GABRB3: variants seen among roughly 807,000 people sequenced by gnomAD.
GABRB3 encodes the protein gamma-aminobutyric acid type A receptor subunit beta3, also known as gamma-aminobutyric acid receptor subunit beta-3.
Under a neutral mutation model 52.1 loss-of-function variants are expected in GABRB3, and 14 were observed. That is an observed-to-expected ratio of 0.27 (90% CI 0.18 to 0.42). The LOEUF is 0.42. GABRB3 is among the 10% of genes least tolerant of loss of function. The pLI, the probability that GABRB3 is intolerant of heterozygous loss-of-function variation, is 1.00. For synonymous variants in GABRB3, 260 were observed against 232.3 expected (o/e 1.12, Z -1.08); for missense variants, 307 against 609.1 (o/e 0.50, Z 5.22).
At chr15:26,627,976 C>G (rs1238176872) in intron 3 of GABRB3, among the ~76,000 whole-genome samples, 2 of 152,210 alleles carry the variant, frequency 1.3e-5, no homozygotes, top group Non-Finnish European at 2.9e-5. Context: ...ACTGCCACAG[C>G]TTTCAGCAAC....
chr15:26,764,075 G>A (rs746059631), intron 3 of GABRB3, among the ~76,000 whole-genome samples: 3 of 147,856 alleles, frequency 2.0e-5, no homozygotes, highest in Non-Finnish European at 3.0e-5. Context: ...GCTTGAACCC[G>A]GGAGGCGGCG....
At chr15:26,681,721 G>GA (rs1472746162) in intron 3 of GABRB3, among the ~76,000 whole-genome samples, 1 of 152,182 alleles carries the variant, frequency 6.6e-6, no homozygotes, top group African/African-American at 2.4e-5. Context: ...CAGCACTCCA[G>GA]AAGGCCAAGG....
chr15:26,749,550 C>CTTCTGTAT (rs1890444028), intron 3 of GABRB3, among the ~76,000 whole-genome samples: 4 of 152,102 alleles, frequency 2.6e-5, no homozygotes, highest in African/African-American at 9.7e-5. Context: ...CTGATGGTGT[C>CTTCTGTAT]GTTTGGTTCT....
chr15:26,769,776 T>C (rs1226860440), intron 3 of GABRB3, among the ~76,000 whole-genome samples: 1 of 152,162 alleles, frequency 6.6e-6, no homozygotes, highest in African/African-American at 2.4e-5. Context: ...CCTCCCTCCC[T>C]CTCTGTTCTG....
At chr15:26,597,668 T>C (rs975045395) in intron 4 of GABRB3, among the ~76,000 whole-genome samples, 2 of 152,212 alleles carry the variant, frequency 1.3e-5, no homozygotes, top group Non-Finnish European at 2.9e-5. Flanking sequence ...ATACATTCCA[T>C]GGAATAGAAA....
At chr15:26,697,710 T>A (rs1400447932) in intron 3 of GABRB3, among the ~76,000 whole-genome samples, 1 of 152,124 alleles carries the variant, frequency 6.6e-6, no homozygotes, top group Non-Finnish European at 1.5e-5. Flanking sequence ...GGGACTGCAA[T>A]ATCTCTTTAT....
intron 3 of GABRB3, among the ~76,000 whole-genome samples, chr15:26,764,414 G>A (rs768872950): frequency 3.3e-5 from 5 of 151,856 alleles, no homozygotes; most frequent in Non-Finnish European, 5.9e-5. Context: ...TCTTATTCAT[G>A]TGAAATGTTA....
At chr15:26,617,947 C>A (rs956729577) in intron 4 of GABRB3, among the ~76,000 whole-genome samples, 31 of 151,906 alleles carry the variant, frequency 2.0e-4, no homozygotes, top group African/African-American at 7.0e-4. Context: ...ACCTAGGAAT[C>A]CAACTTACAA....
intron 3 of GABRB3, among the ~76,000 whole-genome samples, chr15:26,702,701 CCT>C (rs1240742484): frequency 6.6e-6 from 1 of 152,108 alleles, no homozygotes; most frequent in East Asian, 1.9e-4. Context: ...CCAATACACC[CCT>C]GAGTATTTAC....
intron 4 of GABRB3, among the ~76,000 whole-genome samples, chr15:26,591,229 A>C (rs771986929): frequency 3.5e-4 from 53 of 152,090 alleles, no homozygotes; most frequent in Non-Finnish European, 6.5e-4. Context: ...GTTACACAGC[A>C]CTCTTGCGGC....
chr15:26,599,905 T>G (rs573571167), intron 4 of GABRB3, among the ~76,000 whole-genome samples: 1 of 152,094 alleles, frequency 6.6e-6, no homozygotes, highest in South Asian at 2.1e-4. Flanking sequence ...GAAATGGAGA[T>G]TATAAAATGA....
chr15:26,638,893 C>A (rs1893123245), intron 3 of GABRB3, among the ~76,000 whole-genome samples: 1 of 152,112 alleles, frequency 6.6e-6, no homozygotes, highest in African/African-American at 2.4e-5. Flanking sequence ...GAACAACCCC[C>A]ACCACGCTCC....
At chr15:26,736,585 T>G (rs752421875) in intron 3 of GABRB3, among the ~76,000 whole-genome samples, 1 of 152,230 alleles carries the variant, frequency 6.6e-6, no homozygotes, top group African/African-American at 2.4e-5. Flanking sequence ...CCCTCGGCAG[T>G]GAGCCGGGGC....
At chr15:26,587,293 T>C (rs1314784091) in intron 4 of GABRB3, among the ~76,000 whole-genome samples, 2 of 152,204 alleles carry the variant, frequency 1.3e-5, no homozygotes, top group Non-Finnish European at 2.9e-5. Context: ...TCACTACTTT[T>C]CTTTATTTGG....
Position 26,547,999 on chromosome 15 carries a change from T to C in GABRB3, c.1216A>G (p.Ser406Gly). The change falls in exon 9 of 9, where the codon AGC becomes GGC. Residue 406 changes from serine to glycine, a missense_variant. Physicochemically the swap from Ser to Gly is moderately conservative, Grantham distance 56. Coordinates refer to ENST00000311550, the MANE Select transcript of GABRB3 (RefSeq NM_000814.6). ...DNSGIQYRKQ[S>G]MPREGHGRFL... is the part of the protein sequence containing the mutation. ...CGCCCATGCCCTTCTCGAGGCATGC[T>C]CTGTTTCCTGTACTGGATTCCTGAG... The C allele has an allele frequency of 6.2e-7, 1 of 1,614,204 alleles. No individual in the cohort carries two copies. Among genetic ancestry groups the C allele is most frequent in the Non-Finnish European group, 8.5e-7 (1 of 1,180,040 alleles).
chr15:26,761,821 C>T (rs1890830614), intron 3 of GABRB3, among the ~76,000 whole-genome samples: 1 of 152,078 alleles, frequency 6.6e-6, no homozygotes, highest in African/African-American at 2.4e-5. Context: ...ACACACACCT[C>T]TATCCCTCTT....
intron 3 of GABRB3, among the ~76,000 whole-genome samples, chr15:26,701,913 C>G (rs1378003254): frequency 6.6e-6 from 1 of 152,068 alleles, no homozygotes; most frequent in Non-Finnish European, 1.5e-5. Context: ...AATATAGTGT[C>G]CAGAAATAGA....
chr15:26,634,704 C>T (rs1200421457), intron 3 of GABRB3, among the ~76,000 whole-genome samples: 1 of 151,862 alleles, frequency 6.6e-6, no homozygotes, highest in Non-Finnish European at 1.5e-5. Context: ...GATGTTCCAA[C>T]TCAACACAAT....
chr15:26,672,396 A>C (rs1228946067), intron 3 of GABRB3, among the ~76,000 whole-genome samples: 1 of 152,026 alleles, frequency 6.6e-6, no homozygotes, highest in Non-Finnish European at 1.5e-5. Context: ...CTGTCCTCCT[A>C]AGACCCACTT....
Sources: gnomAD v4.1 joint callset for allele counts (sites outside exome capture counted in the v4.1 genomes callset) on GRCh38, gnomAD v4.1.1 for gene constraint, MANE v1.5 for transcripts, NCBI Gene and HGNC (gene_info 2026-07-23, HGNC 2026-07-21) for gene names.